Variants in ZNF469 observed in about 807,000 individuals in gnomAD.
The protein encoded by ZNF469 is zinc finger protein 469.
In ZNF469, 1 loss-of-function variant was observed where a neutral mutation model predicts 1.0. The ratio of observed to expected loss-of-function variants is 1.00; its 90% CI spans 0.35 to 4.73. The LOEUF (loss-of-function observed/expected upper bound fraction) is 4.73. Among genes scored for constraint, ZNF469 ranks in the 30% most tolerant of loss-of-function variants. The probability of loss-of-function intolerance (pLI) is 0.16; values close to 1 mark genes in which losing one functional copy is unlikely to be tolerated. For synonymous variants in ZNF469, 2,703 were observed against 2,363.4 expected, an observed-to-expected ratio of 1.14 and a Z score of -4.17; for missense variants, 6,100 against 5,356.3, an observed-to-expected ratio of 1.14 and a Z score of -4.33.
the ZNF469 span, among the ~76,000 whole-genome samples, chr16:88,369,966 A>G: frequency 6.6e-6 from 1 of 152,192 alleles, no homozygotes; most frequent in African/African-American, 2.4e-5. Context: ...CACTGCTTTT[A>G]ATTGCATTGT....
At chr16:88,262,359 T>C in the ZNF469 span, among the ~76,000 whole-genome samples, 1 of 152,218 alleles carries the variant, frequency 6.6e-6, no homozygotes, top group Non-Finnish European at 1.5e-5. The surrounding 1 kb of genome is among the most constrained non-coding windows in gnomAD (Gnocchi z 4.3). Flanking sequence ...GTGGGGCGTT[T>C]GAACTGCAGT....
the ZNF469 span, among the ~76,000 whole-genome samples, chr16:88,254,980 A>C: frequency 6.6e-6 from 1 of 152,222 alleles, no homozygotes; most frequent in Non-Finnish European, 1.5e-5. Flanking sequence ...GGTCTTATTT[A>C]ATTTCTCTCA....
chr16:88,251,456 T>C, the ZNF469 span, among the ~76,000 whole-genome samples: 1 of 151,886 alleles, frequency 6.6e-6, no homozygotes, highest in Admixed American at 6.6e-5. Context: ...TTGTTGCTTT[T>C]TTTGTTCTAA....
At chr16:88,219,082 A>G in the ZNF469 span, among the ~76,000 whole-genome samples, 9 of 150,068 alleles carry the variant, frequency 6.0e-5, no homozygotes, top group East Asian at 5.8e-4. Flanking sequence ...GACCTCTTCA[A>G]GGAGAACTAC....
the ZNF469 span, among the ~76,000 whole-genome samples, chr16:88,317,572 A>G: frequency 6.6e-6 from 1 of 152,134 alleles, no homozygotes; most frequent in East Asian, 1.9e-4. Flanking sequence ...TGTAGTCTCC[A>G]TCGTGCTGAG....
the ZNF469 span, among the ~76,000 whole-genome samples, chr16:88,160,387 G>A: frequency 1.3e-5 from 2 of 152,194 alleles, no homozygotes; most frequent in Admixed American, 6.5e-5. Flanking sequence ...GCATCTGTCC[G>A]AGACCGGCAT....
the ZNF469 span, among the ~76,000 whole-genome samples, chr16:88,353,818 G>A: frequency 1.1e-3 from 167 of 152,292 alleles, no homozygotes; most frequent in African/African-American, 3.7e-3. Context: ...GCTGAGGACC[G>A]CCTGGGGCCT....
At chr16:88,403,089 G>A (rs1179059777) in intron 1 of ZNF469, among the ~76,000 whole-genome samples, 1 of 152,228 alleles carries the variant, frequency 6.6e-6, no homozygotes, top group Non-Finnish European at 1.5e-5. Flanking sequence ...TTAAGAAGGA[G>A]AGGTGTGGGA....
the ZNF469 span, among the ~76,000 whole-genome samples, chr16:88,301,132 A>G: frequency 7.9e-5 from 12 of 151,130 alleles, no homozygotes; most frequent in Admixed American, 6.0e-4. Context: ...AGGATGGAAG[A>G]TAACTCCGAC....
At chr16:88,248,110 C>T in the ZNF469 span, among the ~76,000 whole-genome samples, 13 of 152,132 alleles carry the variant, frequency 8.5e-5, no homozygotes, top group Non-Finnish European at 1.5e-4. Flanking sequence ...GCCAGAGAAC[C>T]AGTCTCTGAC....
chr16:88,145,829 CTG>C, the ZNF469 span, among the ~76,000 whole-genome samples: 1 of 152,258 alleles, frequency 6.6e-6, no homozygotes, highest in African/African-American at 2.4e-5. Flanking sequence ...CTGGAGCCTC[CTG>C]TGGCCCGAGG....
At chr16:88,149,089 TG>T in the ZNF469 span, among the ~76,000 whole-genome samples, 1 of 152,070 alleles carries the variant, frequency 6.6e-6, no homozygotes, top group Non-Finnish European at 1.5e-5. Flanking sequence ...GGGCTGGGCC[TG>T]GTTCATTTGT....
At chr16:88,120,466 G>A in the ZNF469 span, among the ~76,000 whole-genome samples, 27 of 152,370 alleles carry the variant, frequency 1.8e-4, no homozygotes, top group South Asian at 4.1e-3. Context: ...GCCCCACCTC[G>A]GAGAACACAG....
the ZNF469 span, among the ~76,000 whole-genome samples, chr16:88,260,574 G>A: frequency 6.6e-6 from 1 of 152,142 alleles, no homozygotes; most frequent in Non-Finnish European, 1.5e-5. This position sits in a 1 kb window ranked among gnomAD's most constrained non-coding sequence, Gnocchi z 4.1. Context: ...AGAGTGGAGG[G>A]GCTTTACTCT....
chr16:88,122,157 TCGGTATGGCCACGGCAAC>T, the ZNF469 span, among the ~76,000 whole-genome samples: 8 of 141,052 alleles, frequency 5.7e-5, no homozygotes, highest in Non-Finnish European at 1.1e-4. Context: ...ACCCCGTCAC[TCGGTATGGCCACGGCAAC>T]CACTCGGATT....
In ZNF469 at chr16:88,438,281, C is replaced by A; in HGVS notation, c.10811C>A (p.Pro3604Gln). 1.3e-6 allele frequency: 2 copies of A among 1,548,314 alleles called. No homozygotes were observed. Among genetic ancestry groups the A allele is most frequent in the Non-Finnish European group, 8.7e-7 (1 of 1,145,442 alleles). Reference sequence around the variant, plus strand: ...CCTCTGGGGGCATCTCTGCCGCGGCCGGGAGCCAGAGGCCAAGATGCGGAG... The same window carrying A: ...CCTCTGGGGGCATCTCTGCCGCGGCAGGGAGCCAGAGGCCAAGATGCGGAG... ...ALPLGASLPR[P>Q]GARGQDAEGK... The change falls in exon 3 of 3, where the codon CCG becomes CAG. Residue 3604 changes from proline to glutamine, a missense_variant. Transcript: ENST00000565624.
chr16:88,406,869 C>G (rs1351663610), intron 1 of ZNF469, among the ~76,000 whole-genome samples: 1 of 152,204 alleles, frequency 6.6e-6, no homozygotes, highest in Non-Finnish European at 1.5e-5. Flanking sequence ...CCGTCGGCCC[C>G]CAGGTCTCCT....
At chr16:88,330,433 C>T in the ZNF469 span, among the ~76,000 whole-genome samples, 5 of 152,252 alleles carry the variant, frequency 3.3e-5, no homozygotes, top group African/African-American at 7.2e-5. Context: ...ACCCTGAGAG[C>T]GGAGTGGGTT....
chr16:88,422,859 T>G, intron 1 of ZNF469, among the ~76,000 whole-genome samples: 1 of 119,600 alleles, frequency 8.4e-6, no homozygotes, highest in Admixed American at 8.7e-5. Flanking sequence ...GGATGGATGA[T>G]GATGATGGAT....
Sources: allele counts gnomAD v4.1 joint callset (sites outside exome capture counted in the v4.1 genomes callset), GRCh38; gene constraint gnomAD v4.1.1; non-coding constraint Gnocchi (gnomAD v3.1); transcripts MANE v1.5; gene names NCBI Gene and HGNC (gene_info 2026-07-23, HGNC 2026-07-21).